The following FAM135B variants were observed in gnomAD, a reference collection of about 807,000 sequenced individuals.
FAM135B encodes family with sequence similarity 135 member B.
Under a neutral mutation model 127.7 loss-of-function variants are expected in FAM135B, and 43 were observed. The observed-to-expected ratio is 0.34, with a 90% confidence interval of 0.26 to 0.43. FAM135B has a LOEUF of 0.43. FAM135B is among the 20% of genes least tolerant of loss of function. FAM135B has a pLI of 1.00. For synonymous variants in FAM135B, 670 were observed against 665.1 expected (o/e 1.01, Z -0.11); for missense variants, 1,558 against 1,725.6 (o/e 0.90, Z 1.72).
chr8:138,202,311 G>A (rs999861152), intron 7 of FAM135B, among the ~76,000 whole-genome samples: 3 of 151,862 alleles, frequency 2.0e-5, no homozygotes, highest in Non-Finnish European at 2.9e-5. Flanking sequence ...GTACAGTGGC[G>A]CAATCATGGC....
chr8:138,382,450 A>G (rs986686891), intron 1 of FAM135B, among the ~76,000 whole-genome samples: 13 of 151,872 alleles, frequency 8.6e-5, no homozygotes, highest in African/African-American at 3.1e-4. Context: ...TCTCACAGGG[A>G]TATGGGGGGT....
rs1821077978 is a variant in FAM135B, at chr8:138,243,983, A to G, written c.543-915T>C. ...ACAATAAATAGCCCCAGGTGACATC[A>G]TCTTCATCATCTTCACTATGGGTGC... On this transcript the variant is annotated intron_variant, in intron 6 of 19. Transcript: ENST00000395297. This position sits in a 1 kb window ranked among gnomAD's most constrained non-coding sequence, Gnocchi z 7.5. 6.6e-6 allele frequency among the ~76,000 whole-genome samples: 1 copy of G among 152,212 alleles called. No individual in the cohort carries two copies. The highest frequency in any genetic ancestry group is 1.5e-5 in the Non-Finnish European group (1 of 68,036).
rs180832716 is a variant in FAM135B, at chr8:138,283,648, G to A, written c.158-17806C>T. Among the ~76,000 whole-genome samples the A allele has an allele frequency of 3.0e-4, 45 of 152,136 alleles. No homozygotes were observed. In the South Asian group the frequency reaches 5.2e-3, roughly 18 times the overall value. On this transcript the variant is annotated intron_variant, in intron 3 of 19. Transcript: ENST00000395297. ...GATGCACCAATGTAACAAATGTTCC[G>A]CTCTAATGGGAGATGTTGATAATGG...
At chr8:138,188,150 CTCT>C (rs1314098545) in intron 9 of FAM135B, among the ~76,000 whole-genome samples, 1 of 152,178 alleles carries the variant, frequency 6.6e-6, no homozygotes, top group Non-Finnish European at 1.5e-5. Context: ...CCCTGTGGAA[CTCT>C]TCATCTGGCT....
intron 1 of FAM135B, among the ~76,000 whole-genome samples, chr8:138,429,577 A>G (rs992309525): frequency 6.6e-6 from 1 of 152,212 alleles, no homozygotes; most frequent in African/African-American, 2.4e-5. Context: ...ATTTGTTTTC[A>G]GAGCCTCTTC....
intron 3 of FAM135B, among the ~76,000 whole-genome samples, chr8:138,292,095 A>G (rs1321112432): frequency 6.6e-6 from 1 of 152,122 alleles, no homozygotes; most frequent in Non-Finnish European, 1.5e-5. Context: ...AATCAACATT[A>G]AAAAATCAGT....
chr8:138,206,488 T>G (rs1339094941), intron 7 of FAM135B, among the ~76,000 whole-genome samples: 11 of 150,730 alleles, frequency 7.3e-5, no homozygotes, highest in Middle Eastern at 7.2e-3. Context: ...TACACACAGC[T>G]CTATCATCCC....
intron 1 of FAM135B, among the ~76,000 whole-genome samples, chr8:138,435,337 C>T (rs539670507): frequency 6.6e-6 from 1 of 152,016 alleles, no homozygotes; most frequent in Admixed American, 6.6e-5. Flanking sequence ...AAGCCACATG[C>T]CAAACTCCAT....
At chr8:138,301,202 G>A (rs1291661386) in intron 3 of FAM135B, among the ~76,000 whole-genome samples, 1 of 152,148 alleles carries the variant, frequency 6.6e-6, no homozygotes, top group Non-Finnish European at 1.5e-5. Context: ...GCTGTGGTTT[G>A]AGGGGGTACA....
chr8:138,182,951 G>C (rs1011230768), intron 9 of FAM135B, among the ~76,000 whole-genome samples: 4 of 152,154 alleles, frequency 2.6e-5, no homozygotes, highest in African/African-American at 7.2e-5. Flanking sequence ...ACCCCTGCTT[G>C]GTCACAACCC....
chr8:138,349,295 T>C (rs1463631392), intron 2 of FAM135B, among the ~76,000 whole-genome samples: 2 of 152,170 alleles, frequency 1.3e-5, no homozygotes, highest in South Asian at 4.1e-4. Flanking sequence ...TCCATGCCTT[T>C]GGAGAAAGAA....
At chr8:138,192,767 A>G (rs1209175690) in intron 9 of FAM135B, among the ~76,000 whole-genome samples, 3 of 152,206 alleles carry the variant, frequency 2.0e-5, no homozygotes, top group Non-Finnish European at 2.9e-5. Context: ...TTGAGTAACA[A>G]TAAAACTCAG....
At chr8:138,481,634 T>G (rs1814784485) in intron 1 of FAM135B, among the ~76,000 whole-genome samples, 1 of 152,252 alleles carries the variant, frequency 6.6e-6, no homozygotes, top group African/African-American at 2.4e-5. Flanking sequence ...CCTGCCCCAG[T>G]TATGCGGCTG....
intron 7 of FAM135B, among the ~76,000 whole-genome samples, chr8:138,210,646 C>T (rs1407787153): frequency 1.3e-5 from 2 of 152,156 alleles, no homozygotes; most frequent in Admixed American, 1.3e-4. Flanking sequence ...ATCATGAGAA[C>T]AGCATGGGAG....
intron 9 of FAM135B, among the ~76,000 whole-genome samples, chr8:138,189,990 G>T (rs993968493): frequency 6.6e-6 from 1 of 152,132 alleles, no homozygotes; most frequent in Non-Finnish European, 1.5e-5. Context: ...AACCTTATCT[G>T]CATGGAGCCC....
At chr8:138,368,784 T>C (rs749135638) in intron 1 of FAM135B, among the ~76,000 whole-genome samples, 1 of 151,982 alleles carries the variant, frequency 6.6e-6, no homozygotes, top group East Asian at 1.9e-4. Flanking sequence ...AAGTCTAGGA[T>C]GAGAAATAAA....
intron 9 of FAM135B, among the ~76,000 whole-genome samples, chr8:138,194,400 C>T (rs914556186): frequency 2.0e-5 from 3 of 152,206 alleles, no homozygotes; most frequent in Admixed American, 2.0e-4. Context: ...AGCAGGGGTG[C>T]TCAACCCTGG....
chr8:138,393,331 A>C (rs1165814497), intron 1 of FAM135B, among the ~76,000 whole-genome samples: 1 of 152,194 alleles, frequency 6.6e-6, no homozygotes, highest in Non-Finnish European at 1.5e-5. Flanking sequence ...ATTTCAAAAA[A>C]ATTCTGGAAT....
At chr8:138,148,715 C>A (rs2130696048) in intron 13 of FAM135B, 29 bp from the exon 14 acceptor site, 1 of 1,555,772 alleles carries the variant, frequency 6.4e-7, no homozygotes, top group Non-Finnish European at 8.8e-7. Flanking sequence ...AATCACAAGC[C>A]AAGCTGTGTA....
Sources: gnomAD v4.1 joint callset for allele counts (sites outside exome capture counted in the v4.1 genomes callset) on GRCh38, gnomAD v4.1.1 for gene constraint, Gnocchi (gnomAD v3.1) non-coding constraint, MANE v1.5 for transcripts, NCBI Gene and HGNC (gene_info 2026-07-23, HGNC 2026-07-21) for gene names.